Variants in ASB15 observed in about 807,000 individuals in gnomAD.
ASB15 encodes the protein ankyrin repeat and SOCS box containing 15.
In ASB15, 54 loss-of-function variants were observed where a neutral mutation model predicts 58.0. The observed-to-expected ratio is 0.93, with a 90% confidence interval of 0.75 to 1.17. The LOEUF is 1.17. Ranked by LOEUF, ASB15 falls within the 50% of genes most tolerant of loss-of-function variation. ASB15 has a pLI of 0.00. For synonymous variants in ASB15, 249 were observed against 262.4 expected (o/e 0.95, Z 0.50); for missense variants, 680 against 707.4 (o/e 0.96, Z 0.44).
chr7:123,639,288 T>C lies in ASB15; in HGVS notation c.*2307T>C, dbSNP rs1273489674. On this transcript the variant is annotated 3_prime_UTR_variant, in exon 12 of 12. Coordinates refer to ENST00000451215, the MANE Select transcript of ASB15 (RefSeq NM_001290258.2). ...TATTCCCTAGAGGATATATTTTATA[T>C]GTAAGTTAAACTGTAATGTATTTAT... 2.6e-5 allele frequency: 4 copies of C among 152,212 alleles called. No individual in the cohort carries two copies. In the South Asian group the frequency reaches 8.3e-4, roughly 32 times the overall value. The allele number at this position is 152,212 out of a possible 1,614,324, so 9.4% of individuals were successfully genotyped here. A position where few individuals can be genotyped will look rare whatever the true frequency, so the allele number is the denominator to read the frequency against.
intron 11 of ASB15, among the ~76,000 whole-genome samples, chr7:123,631,085 T>C (rs944989273): frequency 2.0e-5 from 3 of 152,194 alleles, no homozygotes; most frequent in Non-Finnish European, 4.4e-5. Context: ...GTTTTCATGA[T>C]AAAAAGCAAC....
chr7:123,597,375 G>A (rs1159911653), upstream of ASB15, among the ~76,000 whole-genome samples: 1 of 152,092 alleles, frequency 6.6e-6, no homozygotes, highest in Non-Finnish European at 1.5e-5. Flanking sequence ...CTAGTATGTT[G>A]TTATAATTGT....
Position 123,629,123 on chromosome 7 carries a change from A to G in ASB15, c.1129A>G (p.Asn377Asp), listed in dbSNP as rs1384272192. The G allele has an allele frequency of 2.5e-6, 4 of 1,614,092 alleles. No homozygotes were observed. The highest frequency in any genetic ancestry group is 3.4e-6 in the Non-Finnish European group (4 of 1,179,964). ...CCTTCTGGCTGCAGGTGCAGACCCA[A>G]ACTTAGATCCCCTCAACTGTCTACT... ...EVLLAAGADP[N>D]LDPLNCLLVA... Residue 377 changes from asparagine (N) to aspartate (D), a missense_variant, in exon 10 of 12, where the codon AAC becomes GAC. By Grantham distance (23) the Asn-to-Asp change is conservative. Transcript: ENST00000451215.
At chr7:123,635,635 T>C (rs895608532) in intron 11 of ASB15, among the ~76,000 whole-genome samples, 4 of 145,804 alleles carry the variant, frequency 2.7e-5, no homozygotes, top group Non-Finnish European at 1.5e-5. Context: ...CTGATGACTT[T>C]AGAAAGACAA....
intron 1 of ASB15, among the ~76,000 whole-genome samples, chr7:123,568,047 A>T (rs1169792543): frequency 6.6e-6 from 1 of 152,120 alleles, no homozygotes; most frequent in East Asian, 1.9e-4. Flanking sequence ...TCAGAACTTC[A>T]TTCTAAAATG....
chr7:123,634,885 C>T (rs1802331532), intron 11 of ASB15, among the ~76,000 whole-genome samples: 3 of 152,128 alleles, frequency 2.0e-5, no homozygotes, highest in Admixed American at 6.5e-5. Flanking sequence ...AGATCAAACC[C>T]GAGCCTGATC....
At chr7:123,612,192 C>G (rs983589373) in intron 3 of ASB15, 2 of 152,208 alleles carry the variant, frequency 1.3e-5, no homozygotes, top group African/African-American at 4.8e-5. Context: ...GGCAAGGCCA[C>G]AGGTTGAACT....
intron 1 of ASB15, among the ~76,000 whole-genome samples, chr7:123,596,169 GGA>G (rs947942946): frequency 1.2e-4 from 9 of 75,102 alleles, no homozygotes; most frequent in Non-Finnish European, 1.2e-4. Flanking sequence ...CTCTTATATT[GGA>G]AAAAAAAATT....
upstream of ASB15, chr7:123,598,889 G>C (rs1163443759): frequency 6.6e-6 from 1 of 152,194 alleles, no homozygotes; most frequent in African/African-American, 2.4e-5. Context: ...TGCTGTTGGA[G>C]GAGTTCAGTG....
rs1204815654 is a variant in ASB15 at position 123,629,147 on chromosome 7, C to T, written c.1153C>T (p.Leu385Phe). ...DPNLDPLNCL[L>F]VAVRANNYEI... is the part of the protein sequence containing the mutation. The stretch of plus-strand genomic sequence containing the variant: ...AAACTTAGATCCCCTCAACTGTCTA[C>T]TTGTTGCAGTGAGGGCCAATAATTA... The change falls in exon 10 of 12, where the codon CTT (leucine) becomes TTT (phenylalanine). Residue 385 changes from leucine (L) to phenylalanine (F), a missense_variant. Transcript: ENST00000451215. The T allele has an allele frequency of 6.2e-7, 1 of 1,614,108 alleles. No homozygotes were observed. The highest frequency in any genetic ancestry group is 8.5e-7 in the Non-Finnish European group (1 of 1,179,960).
intron 11 of ASB15, among the ~76,000 whole-genome samples, chr7:123,633,760 GT>G (rs1292698410): frequency 3.3e-5 from 5 of 152,146 alleles, no homozygotes; most frequent in Admixed American, 3.3e-4. Flanking sequence ...AGAAACCAGG[GT>G]TTTTGCTGGA....
At chr7:123,577,809 T>G (rs952072063) in intron 1 of ASB15, among the ~76,000 whole-genome samples, 1 of 151,640 alleles carries the variant, frequency 6.6e-6, no homozygotes, top group African/African-American at 2.4e-5. Context: ...ACAGTTTCTA[T>G]CAAAGACATT....
At position 123,614,589 on chromosome 7, in the gene ASB15, G is replaced by T; in HGVS notation, c.87G>T (p.Lys29Asn). ...TTCAAGAATCCATTGAAGCCAGCAA[G>T]ACTGCACTTTGTCCTGAAAGGTAGT... ...LSIQESIEAS[K>N]TALCPERFVP... is the part of the protein sequence containing the mutation. Residue 29 changes from lysine (K) to asparagine (N), a missense_variant, in exon 4 of 12, where the codon AAG becomes AAT. Physicochemically the swap from Lys to Asn is moderately conservative, Grantham distance 94. Coordinates refer to ENST00000451215, the MANE Select transcript of ASB15 (RefSeq NM_001290258.2). 6.2e-7 allele frequency: 1 copy of T among 1,605,792 alleles called. No individual in the cohort carries two copies. Among genetic ancestry groups the T allele is most frequent in the Non-Finnish European group, 8.5e-7 (1 of 1,172,946 alleles).
chr7:123,611,255 G>A (rs1294501065), intron 3 of ASB15, among the ~76,000 whole-genome samples: 2 of 152,032 alleles, frequency 1.3e-5, no homozygotes, highest in Non-Finnish European at 2.9e-5. Flanking sequence ...CCCTCAGGTG[G>A]GATTGAGTCC....
intron 1 of ASB15, among the ~76,000 whole-genome samples, chr7:123,593,910 G>A (rs1799619998): frequency 6.6e-6 from 1 of 152,100 alleles, no homozygotes; most frequent in African/African-American, 2.4e-5. Context: ...TCACTTTCAG[G>A]TACACCAATC....
chr7:123,602,217 T>C (rs560229868), intron 1 of ASB15, among the ~76,000 whole-genome samples: 1 of 152,180 alleles, frequency 6.6e-6, no homozygotes, highest in South Asian at 2.1e-4. Context: ...TACTATAGAA[T>C]CCCAGAAGGG....
At chr7:123,573,057 A>T (rs1193326904) in intron 1 of ASB15, among the ~76,000 whole-genome samples, 5 of 152,008 alleles carry the variant, frequency 3.3e-5, no homozygotes, top group African/African-American at 1.2e-4. Flanking sequence ...TTAGCTTCTT[A>T]CTGAAAAAAT....
intron 1 of ASB15, among the ~76,000 whole-genome samples, chr7:123,582,801 T>A (rs1799272894): frequency 6.6e-6 from 1 of 152,010 alleles, no homozygotes; most frequent in African/African-American, 2.4e-5. Flanking sequence ...AAGAACTGCC[T>A]TCTTTAACAT....
intron 1 of ASB15, among the ~76,000 whole-genome samples, chr7:123,588,162 G>C (rs1055926487): frequency 1.9e-4 from 29 of 151,566 alleles, no homozygotes; most frequent in Non-Finnish European, 3.5e-4. Flanking sequence ...ACTAGGTTTG[G>C]GTTTCTCTTT....
Sources: gnomAD v4.1 joint callset for allele counts (sites outside exome capture counted in the v4.1 genomes callset) on GRCh38, gnomAD v4.1.1 for gene constraint, MANE v1.5 for transcripts, NCBI Gene and HGNC (gene_info 2026-07-23, HGNC 2026-07-21) for gene names.